Variants in CNBD2 observed in about 807,000 individuals in gnomAD.
The protein encoded by CNBD2 is cyclic nucleotide binding domain containing 2, also known as cyclic nucleotide-binding domain-containing protein 2.
In CNBD2, 64 loss-of-function variants were observed where a neutral mutation model predicts 63.7. That is an observed-to-expected ratio of 1.00 (90% CI 0.82 to 1.24). The LOEUF (loss-of-function observed/expected upper bound fraction) is 1.24, where lower values mean the gene tolerates loss of function less well. Among genes scored for constraint, CNBD2 ranks in the 50% most tolerant of loss-of-function variants. The pLI is 0.00. For missense variants in CNBD2, 691 were observed against 713.5 expected (o/e 0.97, Z 0.36); for synonymous variants, 229 against 255.4 (o/e 0.90, Z 0.99).
At chr20:36,022,027 G>C (rs1389392535) in intron 10 of CNBD2, among the ~76,000 whole-genome samples, 1 of 133,258 alleles carries the variant, frequency 7.5e-6, no homozygotes, top group Non-Finnish European at 1.6e-5. Context: ...TTTTTTTTTT[G>C]AGTCACAGTT....
At chr20:35,961,578 G>A (rs2056309312) in intron 2 of CNBD2, among the ~76,000 whole-genome samples, 1 of 151,642 alleles carries the variant, frequency 6.6e-6, no homozygotes, top group Non-Finnish European at 1.5e-5. Context: ...TGTTTTTCCT[G>A]TTCCCTGCCT....
chr20:36,025,532 C>T (rs2057272996), intron 11 of CNBD2, among the ~76,000 whole-genome samples: 3 of 152,058 alleles, frequency 2.0e-5, no homozygotes, highest in Admixed American at 6.6e-5. Flanking sequence ...ATGGGGGTCT[C>T]ATTACGTTGC....
intron 8 of CNBD2, among the ~76,000 whole-genome samples, chr20:36,002,027 T>C (rs1482302026): frequency 6.6e-6 from 1 of 152,096 alleles, no homozygotes; most frequent in Non-Finnish European, 1.5e-5. Flanking sequence ...TCTCGGCACT[T>C]TGGGAGGCCA....
intron 1 of CNBD2, among the ~76,000 whole-genome samples, chr20:35,972,385 A>G (rs2056432106): frequency 1.3e-5 from 2 of 152,160 alleles, no homozygotes; most frequent in Non-Finnish European, 2.9e-5. Context: ...CTGGGGAGAG[A>G]TGTCCTGACT....
intron 11 of CNBD2, among the ~76,000 whole-genome samples, chr20:36,027,653 C>A (rs931960280): frequency 6.6e-6 from 1 of 151,058 alleles, no homozygotes; most frequent in Admixed American, 6.6e-5. Context: ...AGGAACTGAA[C>A]AGATTGAAGG....
At chr20:35,954,564 A>G (rs1304150605), upstream of CNBD2, 3 of 1,471,028 alleles carry the variant, frequency 2.0e-6, no homozygotes, top group African/African-American at 2.8e-5. Context: ...GGCGCCCTCT[A>G]GCGTTCTCGA....
At chr20:35,975,551 T>C (rs11908144) in intron 2 of CNBD2, among the ~76,000 whole-genome samples, 24,031 of 130,358 alleles carry the variant, frequency 0.18, 1,759 homozygotes, top group Middle Eastern at 0.31. Context: ...CCGCCCACCT[T>C]GGCCTCCCAA....
At chr20:35,967,416 A>AT (rs1404176488), upstream of CNBD2, among the ~76,000 whole-genome samples, 1 of 150,922 alleles carries the variant, frequency 6.6e-6, no homozygotes, top group African/African-American at 2.4e-5. Context: ...CACCCGGCTA[A>AT]TTTTTTTGTA....
upstream of CNBD2, among the ~76,000 whole-genome samples, chr20:35,968,388 G>C (rs965734852): frequency 1.5e-5 from 2 of 133,284 alleles, no homozygotes; most frequent in South Asian, 2.6e-4. Context: ...GTCTCACCAG[G>C]ACTCTGGCAG....
At chr20:35,966,837 A>G (rs1407504439), upstream of CNBD2, among the ~76,000 whole-genome samples, 1 of 152,188 alleles carries the variant, frequency 6.6e-6, no homozygotes, top group South Asian at 2.1e-4. Context: ...AGAATGAGTT[A>G]TCTTTTTAAA....
chr20:36,017,876 C>T (rs1334364274), intron 10 of CNBD2, among the ~76,000 whole-genome samples: 1 of 152,242 alleles, frequency 6.6e-6, no homozygotes, highest in African/African-American at 2.4e-5. Flanking sequence ...CCACTCAGCT[C>T]TGTCACCTGC....
At position 35,995,167 on chromosome 20, in the gene CNBD2, CCTGT is replaced by C. The variant is rs113695350; in HGVS notation, c.970+19_970+22del. On this transcript the variant is annotated intron_variant, in intron 8 of 11. Coordinates refer to ENST00000373973, the MANE Select transcript of CNBD2 (RefSeq NM_001365709.1). ...CCACCTGAGTGGTAAGCTGCCTTGG[CCTGT>C]CTGACAGCAGGGGGCGCCTGGGCCT... 6.7e-3 allele frequency: 10,585 copies of C among 1,579,074 alleles called. 627 individuals carry two copies. In the African/African-American group the frequency reaches 0.13, roughly 19 times the overall value.
At chr20:35,966,809 C>G (rs1283273616), upstream of CNBD2, among the ~76,000 whole-genome samples, 2 of 152,146 alleles carry the variant, frequency 1.3e-5, no homozygotes, top group African/African-American at 4.8e-5. Flanking sequence ...AAAGTACACC[C>G]ATTTTTCTAT....
At chr20:36,002,688 A>G (rs895886362) in intron 8 of CNBD2, among the ~76,000 whole-genome samples, 1 of 152,106 alleles carries the variant, frequency 6.6e-6, no homozygotes, top group Non-Finnish European at 1.5e-5. Flanking sequence ...TTTTTTATCA[A>G]TAGTTTTAAG....
chr20:35,975,868 G>A, intron 2 of CNBD2, 81 bp from the exon 3 acceptor site: 1 of 1,298,768 alleles, frequency 7.7e-7, no homozygotes, highest in Admixed American at 1.7e-5. Flanking sequence ...GGTGGTCCAG[G>A]TAGACAGGAG....
chr20:35,962,968 C>T (rs1390236436), intron 2 of CNBD2, among the ~76,000 whole-genome samples: 1 of 152,100 alleles, frequency 6.6e-6, no homozygotes, highest in African/African-American at 2.4e-5. Flanking sequence ...CCTGTGAAAC[C>T]TTTAGGACCA....
At chr20:36,023,527 AG>A (rs1205463416) in intron 10 of CNBD2, 74 bp from the exon 11 acceptor site, 6 of 1,301,714 alleles carry the variant, frequency 4.6e-6, no homozygotes, top group Non-Finnish European at 6.1e-6. Flanking sequence ...AAAAAATAAA[AG>A]AAAAAAAAGA....
chr20:35,997,568 G>A (rs376228633), intron 8 of CNBD2, among the ~76,000 whole-genome samples: 2 of 152,194 alleles, frequency 1.3e-5, no homozygotes, highest in Non-Finnish European at 1.5e-5. Context: ...GTGATACTGG[G>A]CAAGTGGGCC....
intron 8 of CNBD2, among the ~76,000 whole-genome samples, chr20:36,007,527 C>T (rs2057001719): frequency 6.6e-6 from 1 of 152,110 alleles, no homozygotes; most frequent in Non-Finnish European, 1.5e-5. Flanking sequence ...CATACTTTAT[C>T]TGCAATTCTT....
Sources: allele counts gnomAD v4.1 joint callset (sites outside exome capture counted in the v4.1 genomes callset), GRCh38; gene constraint gnomAD v4.1.1; transcripts MANE v1.5; gene names NCBI Gene and HGNC (gene_info 2026-07-23, HGNC 2026-07-21).